SUMO3: variants seen among roughly 807,000 people sequenced by gnomAD.
SUMO3 encodes the protein small ubiquitin like modifier 3.
In SUMO3, 2 loss-of-function variants were observed where a neutral mutation model predicts 11.1. That is an observed-to-expected ratio of 0.18 (90% confidence interval 0.07 to 0.57). The LOEUF is 0.57. Ranked by LOEUF, SUMO3 falls within the 20% of genes least tolerant of loss-of-function variation. The pLI, the probability that SUMO3 is intolerant of heterozygous loss-of-function variation, is 0.92. For missense variants in SUMO3, 70 were observed against 132.8 expected (o/e 0.53, Z 2.32); for synonymous variants, 56 against 53.5 (o/e 1.05, Z -0.20).
intron 3 of SUMO3, 188 bp downstream of exon 3, chr21:44,808,859 C>CT: frequency 1.4e-6 from 1 of 692,992 alleles, no homozygotes; most frequent in East Asian, 2.7e-5. Flanking sequence ...AGAATGATGT[C>CT]TGCAAAGCAG....
chr21:44,812,339 CA>C (rs1405657517), intron 2 of SUMO3, among the ~76,000 whole-genome samples: 1 of 152,076 alleles, frequency 6.6e-6, no homozygotes, highest in Non-Finnish European at 1.5e-5. Context: ...ATCAGCCTCC[CA>C]AAGTGCTGGG....
chr21:44,815,748 C>T (rs1026080951), intron 1 of SUMO3, among the ~76,000 whole-genome samples: 1 of 152,048 alleles, frequency 6.6e-6, no homozygotes, highest in African/African-American at 2.4e-5. Flanking sequence ...GCTGCAGCCC[C>T]GGGAGAGGCT....
chr21:44,808,272 G>C (rs566952879), intron 3 of SUMO3: 9 of 292,368 alleles, frequency 3.1e-5, no homozygotes, highest in African/African-American at 1.3e-4. Flanking sequence ...CAGCACTTTG[G>C]GGGGCTGAGG....
At chr21:44,808,911 ATAATC>A in intron 3 of SUMO3, 131 bp downstream of exon 3, 4 of 735,224 alleles carry the variant, frequency 5.4e-6, no homozygotes, top group Non-Finnish European at 4.7e-6. Flanking sequence ...TGAAAAATAA[ATAATC>A]TAATAATCAA....
chr21:44,809,123 A>G lies in SUMO3; in HGVS notation c.151-5T>C. On this transcript the variant is annotated splice_region_variant and splice_polypyrimidine_tract_variant and intron_variant, in intron 2 of 3. Coordinates refer to ENST00000332859, the MANE Select transcript of SUMO3 (RefSeq NM_006936.3). ...GATCTGCCTCATTGACAAGCCCTGG[A>G]AAGGAAAAGCAGTGGCCATTAGTCT... 1 of 1,613,928 alleles carries G rather than the reference A, an allele frequency of 6.2e-7. No homozygotes were observed. The highest frequency in any genetic ancestry group is 1.3e-5 in the African/African-American group (1 of 74,984).
Position 44,810,868 on chromosome 21 carries a change from G to A in SUMO3, c.151-1750C>T, listed in dbSNP as rs975538467. Among the ~76,000 whole-genome samples, 7 of 152,006 alleles carry A rather than the reference G, an allele frequency of 4.6e-5. No homozygotes were observed. The South Asian group carries it at 8.3e-4, about 18-fold the overall frequency. On this transcript the variant is annotated intron_variant, in intron 2 of 3. Coordinates refer to ENST00000332859, the MANE Select transcript of SUMO3 (RefSeq NM_006936.3). This position sits in a 1 kb window ranked among gnomAD's most constrained non-coding sequence, Gnocchi z 4.1. ...GGAGGGGAGGAGCGCAGAGGAGAAC[G>A]GACAGGAAGGAGGCAGGAGAACACT...
At position 44,806,195 on chromosome 21, in the gene SUMO3, G is replaced by A. The variant is rs1461407212; in HGVS notation, c.*756C>T. On this transcript the variant is annotated 3_prime_UTR_variant, in exon 4 of 4. Transcript: ENST00000332859. ...GGAATTTCTTCAATATTAAGAGGGA[G>A]AAAAAGGCCAATTTTGGTTGTGCCA... 2.2e-5 allele frequency: 3 copies of A among 138,960 alleles called. No individual in the cohort carries two copies. Among genetic ancestry groups the A allele is most frequent in the African/African-American group, 5.3e-5 (2 of 37,562 alleles). The allele number at this position is 138,960 out of a possible 1,614,324, so 8.6% of individuals were successfully genotyped here.
chr21:44,814,077 T>C lies in SUMO3; in HGVS notation c.49A>G (p.Ile17Val). 1 of 1,614,046 alleles carries C rather than the reference T, an allele frequency of 6.2e-7. No homozygotes were observed. Among genetic ancestry groups the C allele is most frequent in the Non-Finnish European group, 8.5e-7 (1 of 1,180,036 alleles). The change falls in exon 2 of 4, where the codon ATC (isoleucine) becomes GTC (valine). Residue 17 changes from isoleucine (I) to valine (V), a missense_variant. Transcript: ENST00000332859. Reference protein sequence around the residue: ...KEGVKTENDHINLKVAGQDGS... With the variant: ...KEGVKTENDHVNLKVAGQDGS... ...TCCTGCCCGGCCACCTTCAGGTTGA[T>C]GTGGTCATTCTCTGTCTTCACACCC...
chr21:44,808,315 A>G (rs1011501209), intron 3 of SUMO3: 11 of 354,190 alleles, frequency 3.1e-5, no homozygotes, highest in Admixed American at 1.4e-4. Flanking sequence ...GATCGAGACC[A>G]TCCTGGCTAA....
chr21:44,813,076 C>T (rs907891775), intron 2 of SUMO3, among the ~76,000 whole-genome samples: 17 of 152,232 alleles, frequency 1.1e-4, no homozygotes, highest in Admixed American at 7.8e-4. Context: ...GCAAGGCAGT[C>T]GCCAGTGACT....
intron 2 of SUMO3, chr21:44,813,629 A>G: frequency 1.2e-5 from 7 of 592,910 alleles, no homozygotes; most frequent in African/African-American, 1.8e-5. Context: ...CAGCCCCAGA[A>G]TGGCCAGACC....
intron 1 of SUMO3, 64 bp downstream of exon 1, chr21:44,817,884 G>A: frequency 0.015 from 1 of 66 alleles, no homozygotes; most frequent in Non-Finnish European, 0.026. Context: ...GGGTGGGGGC[G>A]GAGCCGGGCT....
At chr21:44,813,097 G>A (rs1601216230) in intron 2 of SUMO3, among the ~76,000 whole-genome samples, 1 of 152,262 alleles carries the variant, frequency 6.6e-6, no homozygotes, top group Non-Finnish European at 1.5e-5. Context: ...GCCCCTATGA[G>A]CAGGGTATCC....
At chr21:44,817,839 GGAGCCTGT>G (rs2146429890) in intron 1 of SUMO3, 101 bp downstream of exon 1, 1 of 169,250 alleles carries the variant, frequency 5.9e-6, no homozygotes, top group Non-Finnish European at 1.2e-5. Context: ...GGGGAGGGGC[GGAGCCTGT>G]CAGGGGCGGG....
intron 1 of SUMO3, among the ~76,000 whole-genome samples, chr21:44,815,417 C>A (rs558279243): frequency 1.7e-4 from 26 of 152,316 alleles, no homozygotes; most frequent in African/African-American, 6.3e-4. Flanking sequence ...CACCCCCCGA[C>A]TCCAGTCTTG....
At chr21:44,814,518 G>C (rs1393949602) in intron 1 of SUMO3, among the ~76,000 whole-genome samples, 1 of 152,230 alleles carries the variant, frequency 6.6e-6, no homozygotes, top group Non-Finnish European at 1.5e-5. Flanking sequence ...CTGGGCAACA[G>C]AGCAAGACCC....
At chr21:44,808,926 A>C in intron 3 of SUMO3, 121 bp downstream of exon 3, 3 of 775,438 alleles carry the variant, frequency 3.9e-6, no homozygotes, top group Non-Finnish European at 4.4e-6. Context: ...CTAATAATCA[A>C]TATCATTAAG....
At chr21:44,817,206 G>C (rs71322592) in intron 1 of SUMO3, among the ~76,000 whole-genome samples, 27,220 of 140,936 alleles carry the variant, frequency 0.19, 2,987 homozygotes, top group Non-Finnish European at 0.29. Context: ...GGGGCGCGAT[G>C]GGGAGGGGTG....
chr21:44,817,971 C>G lies in SUMO3; in HGVS notation c.-3G>C. 1 of 1,096,140 alleles carries G rather than the reference C, an allele frequency of 9.1e-7. No homozygotes were observed. Among genetic ancestry groups the G allele is most frequent in the Non-Finnish European group, 1.1e-6 (1 of 916,590 alleles). 67.9% of individuals were successfully genotyped at this position (1,096,140 alleles called of 1,614,324 possible). A position where few individuals can be genotyped will look rare whatever the true frequency, so the allele number is the denominator to read the frequency against. ...ACCTTGGGCTTCTCCTCGGACATGGCTGCGCGAGCGGCGCGGGGAGGCGGC... is the reference window on the plus strand; with the variant it reads ...ACCTTGGGCTTCTCCTCGGACATGGGTGCGCGAGCGGCGCGGGGAGGCGGC... On this transcript the variant is annotated 5_prime_UTR_variant, in exon 1 of 4. Coordinates refer to ENST00000332859, the MANE Select transcript of SUMO3 (RefSeq NM_006936.3).
Sources: gnomAD v4.1 joint callset for allele counts (sites outside exome capture counted in the v4.1 genomes callset) on GRCh38, gnomAD v4.1.1 for gene constraint, Gnocchi (gnomAD v3.1) non-coding constraint, MANE v1.5 for transcripts, NCBI Gene and HGNC (gene_info 2026-07-23, HGNC 2026-07-21) for gene names.